The following PCDHGA8 variants were observed in gnomAD, a reference collection of about 807,000 sequenced individuals.
PCDHGA8 encodes protocadherin gamma subfamily A, 8.
Under a neutral mutation model 59.2 loss-of-function variants are expected in PCDHGA8, and 45 were observed. The observed-to-expected ratio is 0.76, with a 90% CI of 0.60 to 0.98. The LOEUF is 0.98. Ranked by LOEUF, PCDHGA8 falls within the 50% of genes least tolerant of loss-of-function variation. The pLI is 0.00. For missense variants in PCDHGA8, 1,257 were observed against 1,196.2 expected (o/e 1.05, Z -0.75); for synonymous variants, 531 against 519.0 (o/e 1.02, Z -0.32).
intron 1 of PCDHGA8, among the ~76,000 whole-genome samples, chr5:141,492,090 C>T (rs751238997): frequency 1.4e-4 from 21 of 152,258 alleles, no homozygotes; most frequent in Admixed American, 6.5e-5. Flanking sequence ...GCACGCTTCG[C>T]CGGTCTGTAG....
In PCDHGA8 at chr5:141,512,839, C is replaced by T. The variant is rs141207714; in HGVS notation, c.*1666C>T. ...GACCCCCTCCCCCGTACTGACTTCTCCTATAAGCGCTTCTCTTCGCATAGT... is the reference window on the plus strand; with the variant it reads ...GACCCCCTCCCCCGTACTGACTTCTTCTATAAGCGCTTCTCTTCGCATAGT... On this transcript the variant is annotated 3_prime_UTR_variant, in exon 4 of 4. Transcript: ENST00000398604. 278 of 152,216 alleles carry T rather than the reference C, an allele frequency of 1.8e-3. 2 individuals are homozygous for T. Among genetic ancestry groups the T allele is most frequent in the Middle Eastern group, 0.01 (3 of 292 alleles). 9.4% of individuals were successfully genotyped at this position (152,216 alleles called of 1,614,324 possible). A position where few individuals can be genotyped will look rare whatever the true frequency, so the allele number is the denominator to read the frequency against.
intron 1 of PCDHGA8, among the ~76,000 whole-genome samples, chr5:141,461,165 TG>T (rs2099010296): frequency 6.6e-6 from 1 of 152,146 alleles, no homozygotes; most frequent in South Asian, 2.1e-4. Flanking sequence ...ATAGTGGGAT[TG>T]CTGGATTGAA....
chr5:141,464,200 G>C (rs1331779739), intron 1 of PCDHGA8, among the ~76,000 whole-genome samples: 1 of 149,856 alleles, frequency 6.7e-6, no homozygotes, highest in Non-Finnish European at 1.5e-5. Flanking sequence ...AGGAGGCGGA[G>C]ATTGCAGTGA....
intron 1 of PCDHGA8, chr5:141,433,097 G>C: frequency 6.2e-7 from 1 of 1,614,162 alleles, no homozygotes; most frequent in Non-Finnish European, 8.5e-7. Context: ...AGACATGCTC[G>C]TCAGCCAGGA....
In PCDHGA8 at chr5:141,476,574, G is replaced by C. The variant is rs746783993; in HGVS notation, c.2425-18233G>C. The C allele has an allele frequency of 1.1e-5, 18 of 1,614,084 alleles. No homozygotes were observed. The Admixed American group carries it at 1.8e-4, about 16-fold the overall frequency. On this transcript the variant is annotated intron_variant, in intron 1 of 3. Coordinates refer to ENST00000398604, the MANE Select transcript of PCDHGA8 (RefSeq NM_032088.2). The surrounding 1 kb of genome is among the most constrained non-coding windows in gnomAD (Gnocchi z 7.6). ...AGCGAGGCCGTGGCTCCGGGGACGC[G>C]CTTTCCGCTCGAGAGCGCGCACGAT...
At chr5:141,401,935 T>C (rs1026278615) in intron 1 of PCDHGA8, among the ~76,000 whole-genome samples, 4 of 152,240 alleles carry the variant, frequency 2.6e-5, no homozygotes, top group African/African-American at 9.6e-5. Flanking sequence ...CTTAGAATAA[T>C]GTTTAAGACC....
chr5:141,502,578 T>C (rs2099815145), intron 2 of PCDHGA8, among the ~76,000 whole-genome samples: 1 of 152,198 alleles, frequency 6.6e-6, no homozygotes, highest in African/African-American at 2.4e-5. Context: ...TATAAAAATA[T>C]ATTTTTATAA....
chr5:141,491,966 G>A lies in PCDHGA8; in HGVS notation c.2425-2841G>A. 1.1e-6 allele frequency: 1 copy of A among 943,066 alleles called. No individual in the cohort carries two copies. Among genetic ancestry groups the A allele is most frequent in the Non-Finnish European group, 1.5e-6 (1 of 669,210 alleles). The allele number at this position is 943,066 out of a possible 1,614,324, so 58.4% of individuals were successfully genotyped here. On this transcript the variant is annotated intron_variant, in intron 1 of 3. Coordinates refer to ENST00000398604, the MANE Select transcript of PCDHGA8 (RefSeq NM_032088.2). The surrounding 1 kb of genome is among the most constrained non-coding windows in gnomAD (Gnocchi z 6.9). ...CCACCCCTACACTCAAAAAAGGCCG[G>A]GGCCTCCTTCGAGCTTCCGGTGAAT...
At chr5:141,408,557 G>A in intron 1 of PCDHGA8, 6 of 1,614,046 alleles carry the variant, frequency 3.7e-6, no homozygotes, top group Non-Finnish European at 5.1e-6. Flanking sequence ...TATTTTTCAT[G>A]TCATTGTGGT....
chr5:141,407,868 A>AAT (rs1474357780), intron 1 of PCDHGA8, among the ~76,000 whole-genome samples: 1 of 152,242 alleles, frequency 6.6e-6, no homozygotes, highest in Admixed American at 6.5e-5. Context: ...ATTTTCGAAG[A>AAT]ATATATACAT....
intron 1 of PCDHGA8, chr5:141,413,770 G>A: frequency 6.2e-7 from 1 of 1,612,708 alleles, no homozygotes; most frequent in Non-Finnish European, 8.5e-7. Context: ...CCCGGAGCTG[G>A]TACTGGAGCA....
Position 141,477,032 on chromosome 5 carries a change from A to G in PCDHGA8, c.2425-17775A>G, listed in dbSNP as rs1026169829. 2 of 1,614,134 alleles carry G rather than the reference A, an allele frequency of 1.2e-6. No homozygotes were observed. Among genetic ancestry groups the G allele is most frequent in the Non-Finnish European group, 1.7e-6 (2 of 1,180,044 alleles). ...AGACCTTGTAACCGGGATGCTGACA[A>G]TCAAGGGTCGGCTGGACTTCGAGGA... On this transcript the variant is annotated intron_variant, in intron 1 of 3. Transcript: ENST00000398604. This position sits in a 1 kb window ranked among gnomAD's most constrained non-coding sequence, Gnocchi z 4.9.
At chr5:141,401,976 G>A (rs1479930250) in intron 1 of PCDHGA8, among the ~76,000 whole-genome samples, 2 of 152,062 alleles carry the variant, frequency 1.3e-5, no homozygotes, top group Admixed American at 1.3e-4. Context: ...ATTGATGAAG[G>A]ATTAAAATAG....
In PCDHGA8 at chr5:141,511,217, C is replaced by A. The variant is rs766814445; in HGVS notation, c.*44C>A. On this transcript the variant is annotated 3_prime_UTR_variant, in exon 4 of 4. Transcript: ENST00000398604. ...AGCCACAGGGCGGCCTCTCCCCAAC[C>A]AGCCCAGCTTCTCCTTACCTGCACC... The A allele has an allele frequency of 2.5e-6, 4 of 1,607,588 alleles. No homozygotes were observed. Among genetic ancestry groups the A allele is most frequent in the Non-Finnish European group, 3.4e-6 (4 of 1,177,026 alleles).
intron 1 of PCDHGA8, chr5:141,440,160 G>A (rs568136682): frequency 6.6e-6 from 1 of 152,324 alleles, no homozygotes; most frequent in East Asian, 1.9e-4. Flanking sequence ...ATTATAGCTT[G>A]GGCCATAACG....
chr5:141,457,579 A>G (rs557894260), intron 1 of PCDHGA8, among the ~76,000 whole-genome samples: 123 of 152,346 alleles, frequency 8.1e-4, no homozygotes, highest in Non-Finnish European at 1.4e-3. Flanking sequence ...TTTTCTCTCC[A>G]GTCCTCATTT....
At chr5:141,467,693 G>C (rs543886467) in intron 1 of PCDHGA8, among the ~76,000 whole-genome samples, 49 of 152,108 alleles carry the variant, frequency 3.2e-4, no homozygotes, top group African/African-American at 1.1e-3. Flanking sequence ...ACAGGGTCTG[G>C]CTCTGTTGCC....
intron 1 of PCDHGA8, chr5:141,410,203 C>T: frequency 1.9e-6 from 3 of 1,614,022 alleles, no homozygotes; most frequent in Non-Finnish European, 2.5e-6. Flanking sequence ...TCGCAGACAA[C>T]TTGCAAGAGA....
chr5:141,426,297 G>T (rs1056504791), intron 1 of PCDHGA8: 3 of 171,478 alleles, frequency 1.7e-5, no homozygotes, highest in African/African-American at 7.1e-5. Context: ...TGGGAAACAG[G>T]GTGAAGCAGA....
Sources: allele counts gnomAD v4.1 joint callset (sites outside exome capture counted in the v4.1 genomes callset), GRCh38; gene constraint gnomAD v4.1.1; non-coding constraint Gnocchi (gnomAD v3.1); transcripts MANE v1.5; gene names NCBI Gene and HGNC (gene_info 2026-07-23, HGNC 2026-07-21).